Variants in ITPR1 observed in about 807,000 individuals in gnomAD.
ITPR1 encodes inositol 1,4,5-trisphosphate-gated calcium channel ITPR1.
ITPR1 carries 96 observed loss-of-function variants against 318.4 expected under a neutral mutation model. The ratio of observed to expected loss-of-function variants is 0.30; its 90% CI spans 0.26 to 0.36. The LOEUF (loss-of-function observed/expected upper bound fraction) is 0.36, where lower values mean the gene tolerates loss of function less well. ITPR1 is among the 10% of genes least tolerant of loss of function. The pLI is 1.00. For missense variants in ITPR1, 2,440 were observed against 3,460.2 expected (o/e 0.71, Z 7.40); for synonymous variants, 1,312 against 1,289.9 (o/e 1.02, Z -0.37).
At chr3:4,828,365 T>G (rs1208066595) in intron 60 of ITPR1, among the ~76,000 whole-genome samples, 1 of 152,182 alleles carries the variant, frequency 6.6e-6, no homozygotes, top group African/African-American at 2.4e-5. Context: ...GCAGGGGAAG[T>G]TGCCTAAGCG....
intron 46 of ITPR1, among the ~76,000 whole-genome samples, chr3:4,770,765 C>A (rs2046134802): frequency 6.6e-6 from 1 of 152,168 alleles, no homozygotes; most frequent in African/African-American, 2.4e-5. Flanking sequence ...ACTGTGTAGT[C>A]CAGTTGGGTG....
At position 4,668,366 on chromosome 3, in the gene ITPR1, G is replaced by A. The variant is rs187801782; in HGVS notation, c.1886+817G>A. Among the ~76,000 whole-genome samples, 59 of 151,924 alleles carry A rather than the reference G, an allele frequency of 3.9e-4. 1 individual carries two copies. Among genetic ancestry groups the A allele is most frequent in the African/African-American group, 9.9e-4 (41 of 41,434 alleles). On this transcript the variant is annotated intron_variant, in intron 18 of 61. Transcript: ENST00000649015. ...ATCCTACAAATAAGTGAGAAGATGC[G>A]ATGTTTGTCTTTCTGTGCTTGGCTT... is the stretch of plus-strand genomic sequence containing the variant.
rs572379334 is a variant in ITPR1, at chr3:4,695,234, A to G, written c.4281+1493A>G. Among the ~76,000 whole-genome samples the G allele has an allele frequency of 2.6e-5, 4 of 152,360 alleles. No individual in the cohort carries two copies. The East Asian group carries it at 7.7e-4, about 29-fold the overall frequency. Reference sequence around the variant, plus strand: ...TTCACAGTCTTGGCCACAGTATGTTATCACACTTTTGGGTTCTCATATATC... The same window carrying G: ...TTCACAGTCTTGGCCACAGTATGTTGTCACACTTTTGGGTTCTCATATATC... On this transcript the variant is annotated intron_variant, in intron 33 of 61. Coordinates refer to ENST00000649015, the MANE Select transcript of ITPR1 (RefSeq NM_001378452.1).
Position 4,697,315 on chromosome 3 carries a change from GGTGTGTGTGT to G in ITPR1, c.4407+72_4407+81del, listed in dbSNP as rs35795762. 3.9e-3 allele frequency: 3,340 copies of G among 864,128 alleles called. 26 individuals carry two copies. In the East Asian group the frequency reaches 0.04, roughly 10 times the overall value. 53.5% of individuals were successfully genotyped at this position (864,128 alleles called of 1,614,324 possible). ...GAGGAGGCAGAGTTGGAGAGTGAGAGGTGTGTGTGTGTGTGTGTGTGTGTGTGTGTGTGTG... is the reference window on the plus strand; with the variant it reads ...GAGGAGGCAGAGTTGGAGAGTGAGAGGTGTGTGTGTGTGTGTGTGTGTGTG... On this transcript the variant is annotated intron_variant, in intron 34 of 61. Coordinates refer to ENST00000649015, the MANE Select transcript of ITPR1 (RefSeq NM_001378452.1).
At chr3:4,668,995 C>A (rs892280592) in intron 18 of ITPR1, among the ~76,000 whole-genome samples, 11 of 152,170 alleles carry the variant, frequency 7.2e-5, no homozygotes, top group Admixed American at 3.9e-4. Context: ...TCAGTTGAAG[C>A]GGGAAGCAAT....
chr3:4,522,473 A>T (rs1421981495), intron 4 of ITPR1, among the ~76,000 whole-genome samples: 1 of 152,234 alleles, frequency 6.6e-6, no homozygotes, highest in East Asian at 1.9e-4. Context: ...AGTTGCATCC[A>T]GTTGGCGTGA....
intron 4 of ITPR1, among the ~76,000 whole-genome samples, chr3:4,574,117 C>A (rs950302305): frequency 6.6e-6 from 1 of 151,994 alleles, no homozygotes; most frequent in African/African-American, 2.4e-5. Context: ...TCTACCATTT[C>A]TAGCCAATTT....
chr3:4,719,863 A>G (rs1054732276), intron 40 of ITPR1, among the ~76,000 whole-genome samples: 2 of 151,894 alleles, frequency 1.3e-5, no homozygotes, highest in Non-Finnish European at 2.9e-5. Context: ...GCAAAGAGGC[A>G]GGGTCTCCAT....
At chr3:4,800,635 T>C (rs1210389525) in intron 54 of ITPR1, 35 bp downstream of exon 54, 1 of 1,604,268 alleles carries the variant, frequency 6.2e-7, no homozygotes, top group Admixed American at 1.7e-5. Flanking sequence ...ACTGTTTTGT[T>C]TGCAGATTAA....
At chr3:4,716,891 C>T (rs544923056) in intron 39 of ITPR1, among the ~76,000 whole-genome samples, 8 of 152,168 alleles carry the variant, frequency 5.3e-5, no homozygotes, top group Non-Finnish European at 1.2e-4. Flanking sequence ...TTATTAGCTG[C>T]TGAAGTTACA....
Position 4,670,601 on chromosome 3 carries a change from G to A in ITPR1, c.2007-128G>A, listed in dbSNP as rs976657525. The A allele has an allele frequency of 1.2e-4, 81 of 697,718 alleles. No homozygotes were observed. The East Asian group carries it at 2.0e-3, about 17-fold the overall frequency. The allele number at this position is 697,718 out of a possible 1,614,324, so 43.2% of individuals were successfully genotyped here. A position where few individuals can be genotyped will look rare whatever the true frequency, so the allele number is the denominator to read the frequency against. On this transcript the variant is annotated intron_variant, in intron 19 of 61. Transcript: ENST00000649015. ...TGAAGATGTTAATGTCAGGCTCTCTGCGGCTCTGCCCTTGGGGGAAATACA... is the reference window on the plus strand; with the variant it reads ...TGAAGATGTTAATGTCAGGCTCTCTACGGCTCTGCCCTTGGGGGAAATACA...
chr3:4,840,611 A>G (rs561358934), intron 61 of ITPR1, among the ~76,000 whole-genome samples: 1 of 152,342 alleles, frequency 6.6e-6, no homozygotes, highest in East Asian at 1.9e-4. Flanking sequence ...TCTGAGGGAA[A>G]AAAGTTCTTG....
chr3:4,595,337 G>A (rs962041354), intron 4 of ITPR1, among the ~76,000 whole-genome samples: 3 of 152,016 alleles, frequency 2.0e-5, no homozygotes, highest in Non-Finnish European at 2.9e-5. Context: ...GAGTGGGAGC[G>A]AGAGAGAGAG....
chr3:4,555,587 T>C (rs2086040751), intron 4 of ITPR1, among the ~76,000 whole-genome samples: 1 of 152,144 alleles, frequency 6.6e-6, no homozygotes, highest in Admixed American at 6.5e-5. Context: ...AATAAGTGGG[T>C]TATGAAGCCA....
chr3:4,703,087 CA>C, intron 36 of ITPR1, 137 bp downstream of exon 36: 1 of 948,784 alleles, frequency 1.1e-6, no homozygotes, highest in Non-Finnish European at 1.5e-6. Context: ...GACCCGGAAC[CA>C]AGGTCTTCTT....
intron 4 of ITPR1, among the ~76,000 whole-genome samples, chr3:4,606,566 G>A (rs2091718854): frequency 6.6e-6 from 1 of 152,082 alleles, no homozygotes; most frequent in African/African-American, 2.4e-5. Context: ...GGGCAAGAGT[G>A]TGCTGGAGGG....
At position 4,691,342 on chromosome 3, in the gene ITPR1, G is replaced by A. The variant is rs1339985150; in HGVS notation, c.4027G>A (p.Glu1343Lys). 1.9e-6 allele frequency: 3 copies of A among 1,599,286 alleles called. No homozygotes were observed. The highest frequency in any genetic ancestry group is 2.6e-6 in the Non-Finnish European group (3 of 1,167,310). The part of the protein sequence containing the change: ...IKKCQDMVMA[E>K]LVNSGEDVLV... ...AAAATGCCAAGACATGGTTATGGCCGAGGTGATTGTTATATATTTCTGTAT... is the reference window on the plus strand; with the variant it reads ...AAAATGCCAAGACATGGTTATGGCCAAGGTGATTGTTATATATTTCTGTAT... Residue 1343 changes from glutamate (E) to lysine (K), a missense_variant and splice_region_variant, in exon 32 of 62, where the codon GAG becomes AAG. Coordinates refer to ENST00000649015, the MANE Select transcript of ITPR1 (RefSeq NM_001378452.1).
intron 4 of ITPR1, among the ~76,000 whole-genome samples, chr3:4,605,843 TCTC>T (rs1175788855): frequency 2.6e-5 from 4 of 152,102 alleles, no homozygotes; most frequent in Non-Finnish European, 5.9e-5. Flanking sequence ...TTCTGGTTGT[TCTC>T]CTCTCTCCAC....
intron 24 of ITPR1, among the ~76,000 whole-genome samples, chr3:4,678,962 A>G (rs1444176001): frequency 6.6e-6 from 1 of 152,190 alleles, no homozygotes; most frequent in African/African-American, 2.4e-5. Flanking sequence ...TGAGCCTTTG[A>G]AAGTCTTCAA....
Sources: gnomAD v4.1 joint callset for allele counts (sites outside exome capture counted in the v4.1 genomes callset) on GRCh38, gnomAD v4.1.1 for gene constraint, MANE v1.5 for transcripts, NCBI Gene and HGNC (gene_info 2026-07-23, HGNC 2026-07-21) for gene names.